The following PMS2 variants were observed in gnomAD, a reference collection of about 807,000 sequenced individuals.
PMS2 encodes mismatch repair endonuclease PMS2.
PMS2 carries 69 observed loss-of-function variants against 90.0 expected under a neutral mutation model. That is an observed-to-expected ratio of 0.77 (90% CI 0.63 to 0.94). The LOEUF (loss-of-function observed/expected upper bound fraction) is 0.94. Ranked by LOEUF, PMS2 falls within the 40% of genes least tolerant of loss-of-function variation. The pLI, the probability that PMS2 is intolerant of heterozygous loss-of-function variation, is 0.00. For missense variants in PMS2, 966 were observed against 1,040.2 expected (o/e 0.93, Z 0.98); for synonymous variants, 332 against 375.1 (o/e 0.89, Z 1.33).
chr7:5,984,721 C>G (rs1406220921), intron 11 of PMS2, among the ~76,000 whole-genome samples: 2 of 151,630 alleles, frequency 1.3e-5, no homozygotes, highest in Admixed American at 6.6e-5. Flanking sequence ...GGAGGCAGAG[C>G]TTGCAGTGAG....
chr7:6,005,854 A>G, intron 2 of PMS2, 38 bp downstream of exon 2: 1 of 1,610,420 alleles, frequency 6.2e-7, no homozygotes, highest in Non-Finnish European at 8.5e-7. Context: ...CAACATTCAC[A>G]GATCATTTCT....
At chr7:5,979,844 C>T (rs1347208775) in intron 12 of PMS2, among the ~76,000 whole-genome samples, 1 of 118,338 alleles carries the variant, frequency 8.5e-6, no homozygotes, top group African/African-American at 3.0e-5. Context: ...AAGACAAACA[C>T]TGCTCAAGGC....
chr7:5,988,837 C>T (rs535545398), intron 10 of PMS2, among the ~76,000 whole-genome samples: 5 of 151,532 alleles, frequency 3.3e-5, no homozygotes, highest in Non-Finnish European at 4.4e-5. Flanking sequence ...TAAACTATAC[C>T]GTTTTGGGTT....
At position 5,987,442 on chromosome 7, in the gene PMS2, T is replaced by C. The variant is rs2128733375; in HGVS notation, c.1323A>G (p.Glu441=). The change falls in exon 11 of 15, where the codon GAA becomes GAG. Residue 441 remains glutamate (E), a synonymous_variant. Coordinates refer to ENST00000265849, the MANE Select transcript of PMS2 (RefSeq NM_000535.7). ...TCTGTCCTAGAGGGCTCCTTCTTGG[T>C]TCTGGAGTCTTTGGGCTGTGAGGCT... The part of the protein sequence containing the change: ...ENKPHSPKTP[E]PRRSPLGQKR... 2 of 1,614,072 alleles carry C rather than the reference T, an allele frequency of 1.2e-6. No individual in the cohort carries two copies. Among genetic ancestry groups the C allele is most frequent in the Non-Finnish European group, 1.7e-6 (2 of 1,179,938 alleles).
chr7:5,991,821 A>G, intron 9 of PMS2, 152 bp downstream of exon 9: 1 of 592,258 alleles, frequency 1.7e-6, no homozygotes, highest in Non-Finnish European at 3.1e-6. Flanking sequence ...CCTGGGTGAC[A>G]GAGCAAGACC....
chr7:5,983,867 G>A (rs1396423355), intron 11 of PMS2, among the ~76,000 whole-genome samples: 1 of 151,560 alleles, frequency 6.6e-6, no homozygotes, highest in Non-Finnish European at 1.5e-5. Context: ...GGCTAGGCTG[G>A]TCTTGAACTC....
In PMS2 at chr7:6,006,023, G is replaced by A. The variant is rs1291217267; in HGVS notation, c.32C>T (p.Pro11Leu). The A allele has an allele frequency of 6.2e-7, 1 of 1,610,650 alleles. No homozygotes were observed. The highest frequency in any genetic ancestry group is 8.5e-7 in the Non-Finnish European group (1 of 1,179,746). Residue 11 changes from proline (P) to leucine (L), a missense_variant, in exon 2 of 15, where the codon CCT becomes CTT. Transcript: ENST00000265849. MERAESSSTE[P>L]AKAIKPIDRK... Reference sequence around the variant, plus strand: ...ATCAATAGGTTTGATGGCCTTAGCAGGTTCTGTACTAGAGAAATCAGTTAC... The same window carrying A: ...ATCAATAGGTTTGATGGCCTTAGCAAGTTCTGTACTAGAGAAATCAGTTAC...
intron 11 of PMS2, among the ~76,000 whole-genome samples, chr7:5,985,702 CA>C (rs1024335552): frequency 2.0e-5 from 3 of 149,928 alleles, no homozygotes; most frequent in African/African-American, 7.4e-5. Context: ...TACAGGCATG[CA>C]CCACCATATC....
chr7:5,994,720 G>A (rs543372541), intron 8 of PMS2, among the ~76,000 whole-genome samples: 2 of 151,690 alleles, frequency 1.3e-5, no homozygotes, highest in African/African-American at 2.4e-5. Context: ...AGCTTGCAGT[G>A]AGCCGAGACC....
chr7:5,987,991 T>C (rs996142226), intron 10 of PMS2, among the ~76,000 whole-genome samples: 10 of 144,702 alleles, frequency 6.9e-5, no homozygotes, highest in Admixed American at 4.4e-4. Context: ...AGGCAGAGGT[T>C]GCAGTGAGCC....
chr7:6,005,745 G>C, intron 2 of PMS2, 147 bp downstream of exon 2: 4 of 1,156,924 alleles, frequency 3.5e-6, no homozygotes, highest in Non-Finnish European at 5.0e-6. Context: ...CTAAGTACTA[G>C]GCACATAATA....
At chr7:5,984,602 T>G (rs1782661284) in intron 11 of PMS2, among the ~76,000 whole-genome samples, 2 of 151,494 alleles carry the variant, frequency 1.3e-5, no homozygotes, top group Admixed American at 6.6e-5. Flanking sequence ...CTGGCCAACA[T>G]GGTGAAACCC....
At chr7:5,998,806 AC>A (rs1784738613) in intron 6 of PMS2, among the ~76,000 whole-genome samples, 1 of 151,966 alleles carries the variant, frequency 6.6e-6, no homozygotes, top group African/African-American at 2.4e-5. Context: ...CCTGGCCAAC[AC>A]GGTGAAACCC....
chr7:5,982,615 G>C (rs1374596372), intron 12 of PMS2, among the ~76,000 whole-genome samples: 1 of 152,174 alleles, frequency 6.6e-6, no homozygotes, highest in Non-Finnish European at 1.5e-5. Flanking sequence ...GGGATTACAG[G>C]TGTGAGGCAC....
intron 13 of PMS2, 122 bp downstream of exon 13, chr7:5,978,474 T>C: frequency 1.8e-6 from 2 of 1,140,362 alleles, no homozygotes; most frequent in Non-Finnish European, 2.6e-6. Flanking sequence ...TTTCACCATG[T>C]TAGCCAGGCT....
rs2128720293 is a variant in PMS2 at position 5,986,789 on chromosome 7, G to C, written c.1976C>G (p.Ala659Gly). The change falls in exon 11 of 15, where the codon GCA (alanine) becomes GGA (glycine). Residue 659 changes from alanine (A) to glycine (G), a missense_variant. Physicochemically the swap from Ala to Gly is moderately conservative, Grantham distance 60. Around this residue, in one of 2 missense-constraint regions of PMS2, gnomAD observed 95 missense variants for 237.8 expected, o/e 0.40. Transcript: ENST00000265849. ...CTCTTTTCTTAGTTCATCTTCGGCTGCTTGATTTTCTCCAGGACAAATCTT... is the reference window on the plus strand; with the variant it reads ...CTCTTTTCTTAGTTCATCTTCGGCTCCTTGATTTTCTCCAGGACAAATCTT... Reference protein sequence around the residue: ...RAKICPGENQAAEDELRKEIS... With the variant: ...RAKICPGENQGAEDELRKEIS... 6.2e-7 allele frequency: 1 copy of C among 1,607,636 alleles called. No individual in the cohort carries two copies. The highest frequency in any genetic ancestry group is 1.3e-5 in the African/African-American group (1 of 74,696).
rs766203500 is a variant in PMS2 at position 6,005,916 on chromosome 7, G to C, written c.139C>G (p.Leu47Val). 9.9e-6 allele frequency: 16 copies of C among 1,610,694 alleles called. No individual in the cohort carries two copies. The East Asian group carries it at 3.3e-4, about 34-fold the overall frequency. Reference sequence around the variant, plus strand: ...CCAATATTAGTGGCACCAGCATCCAGACTGTTTTCTACTAACTCCTTTACC... The same window carrying C: ...CCAATATTAGTGGCACCAGCATCCACACTGTTTTCTACTAACTCCTTTACC... Reference protein sequence around the residue: ...TAVKELVENSLDAGATNIDLK... With the variant: ...TAVKELVENSVDAGATNIDLK... The change falls in exon 2 of 15, where the codon CTG becomes GTG. Residue 47 changes from leucine (L) to valine (V), a missense_variant. By Grantham distance (32) the Leu-to-Val change is conservative. This residue lies in a region of PMS2 where 871 missense variants were observed against 802.4 expected (regional missense o/e 1.09). Transcript: ENST00000265849.
At chr7:6,004,133 T>C in intron 2 of PMS2, 75 bp from the exon 3 acceptor site, 1 of 816,246 alleles carries the variant, frequency 1.2e-6, no homozygotes, top group East Asian at 2.5e-5. Flanking sequence ...ACATTATTTA[T>C]AACATATGCA....
At chr7:5,990,288 G>A (rs1182240423) in intron 9 of PMS2, among the ~76,000 whole-genome samples, 1 of 152,160 alleles carries the variant, frequency 6.6e-6, no homozygotes, top group African/African-American at 2.4e-5. Flanking sequence ...GATTACAGGC[G>A]TGAGCCACCG....
Sources: allele counts gnomAD v4.1 joint callset (sites outside exome capture counted in the v4.1 genomes callset), GRCh38; gene constraint gnomAD v4.1.1; regional missense constraint gnomAD v4.1.1; transcripts MANE v1.5; gene names NCBI Gene and HGNC (gene_info 2026-07-23, HGNC 2026-07-21).